Variants in CFAP54 observed in about 807,000 individuals in gnomAD.
CFAP54 encodes cilia- and flagella-associated protein 54.
A neutral mutation model predicts 370.4 loss-of-function variants in CFAP54; 290 were observed. The observed-to-expected ratio is 0.78, with a 90% CI of 0.71 to 0.86. CFAP54 has a LOEUF of 0.86. Ranked by LOEUF, CFAP54 falls within the 40% of genes least tolerant of loss-of-function variation. The probability of loss-of-function intolerance (pLI) is 0.00; values close to 1 mark genes in which losing one functional copy is unlikely to be tolerated. For missense variants in CFAP54, 3,399 were observed against 3,528.7 expected, an observed-to-expected ratio of 0.96 and a Z score of 0.93; for synonymous variants, 1,206 against 1,236.5, an observed-to-expected ratio of 0.98 and a Z score of 0.52.
At chr12:96,764,389 G>C in intron 59 of CFAP54, 140 bp downstream of exon 59, 1 of 562,620 alleles carries the variant, frequency 1.8e-6, no homozygotes. Flanking sequence ...TTGGGAGGCT[G>C]AGGCAGGAGG....
intron 14 of CFAP54, among the ~76,000 whole-genome samples, chr12:96,543,386 C>T (rs1462866670): frequency 2.0e-5 from 3 of 152,170 alleles, no homozygotes; most frequent in Non-Finnish European, 4.4e-5. Flanking sequence ...CATGAGGGAC[C>T]TCTAGGATCC....
chr12:96,660,439 T>C (rs1205014118), intron 38 of CFAP54, among the ~76,000 whole-genome samples: 1 of 152,166 alleles, frequency 6.6e-6, no homozygotes, highest in East Asian at 1.9e-4. Context: ...CTAAGTACCA[T>C]CTCTATCATG....
chr12:96,857,602 C>T (rs998489150), intron 66 of CFAP54, among the ~76,000 whole-genome samples: 2 of 152,148 alleles, frequency 1.3e-5, no homozygotes, highest in Non-Finnish European at 2.9e-5. Context: ...ACCCAAATCT[C>T]ATCTCAAATT....
At chr12:96,615,861 CAAG>C (rs1277767803) in intron 26 of CFAP54, among the ~76,000 whole-genome samples, 1 of 152,170 alleles carries the variant, frequency 6.6e-6, no homozygotes, top group Non-Finnish European at 1.5e-5. Context: ...AGTCAGGAAA[CAAG>C]AGGTGCTGGA....
intron 14 of CFAP54, among the ~76,000 whole-genome samples, chr12:96,543,863 T>A (rs1413718564): frequency 6.6e-6 from 1 of 152,166 alleles, no homozygotes; most frequent in African/African-American, 2.4e-5. Context: ...TCCCTGTTGC[T>A]TTTCTCTCAA....
At chr12:96,631,464 C>T (rs1956606832) in intron 32 of CFAP54, among the ~76,000 whole-genome samples, 1 of 144,766 alleles carries the variant, frequency 6.9e-6, no homozygotes. Context: ...AATTTTTTTC[C>T]AATTTGCTTT....
intron 50 of CFAP54, among the ~76,000 whole-genome samples, chr12:96,731,071 A>G (rs1028584727): frequency 1.3e-5 from 2 of 152,182 alleles, no homozygotes; most frequent in Admixed American, 1.3e-4. Flanking sequence ...CATTTGCATT[A>G]TTCACTGTGT....
At chr12:96,723,512 G>A (rs185518764) in intron 50 of CFAP54, among the ~76,000 whole-genome samples, 2 of 152,220 alleles carry the variant, frequency 1.3e-5, no homozygotes, top group East Asian at 3.9e-4. Context: ...AGTAAGGTAA[G>A]GATAGAGAGT....
intron 50 of CFAP54, among the ~76,000 whole-genome samples, chr12:96,735,477 T>C (rs1317534207): frequency 1.3e-5 from 2 of 152,188 alleles, no homozygotes; most frequent in Non-Finnish European, 2.9e-5. Flanking sequence ...AAGAGATCCA[T>C]CTCATAGTTA....
At chr12:96,766,089 G>C (rs1481384823) in intron 60 of CFAP54, among the ~76,000 whole-genome samples, 1 of 152,018 alleles carries the variant, frequency 6.6e-6, no homozygotes, top group East Asian at 1.9e-4. Context: ...TTCTCCTTTG[G>C]GAGTGATCTT....
intron 67 of CFAP54, among the ~76,000 whole-genome samples, chr12:96,870,318 A>G (rs190577906): frequency 6.6e-6 from 1 of 152,306 alleles, no homozygotes; most frequent in African/African-American, 2.4e-5. Context: ...AAAGTTACTT[A>G]GTTGAATTCT....
intron 60 of CFAP54, among the ~76,000 whole-genome samples, chr12:96,769,247 C>T (rs1958432149): frequency 6.6e-6 from 1 of 152,274 alleles, no homozygotes; most frequent in African/African-American, 2.4e-5. Flanking sequence ...TTATTAAATT[C>T]TGTATTTAAA....
intron 63 of CFAP54, among the ~76,000 whole-genome samples, chr12:96,800,132 A>G (rs540411420): frequency 6.6e-6 from 1 of 152,212 alleles, no homozygotes; most frequent in Non-Finnish European, 1.5e-5. Flanking sequence ...GGTCACAGAA[A>G]CACCATATCC....
At chr12:96,617,725 C>T (rs181962545) in intron 26 of CFAP54, among the ~76,000 whole-genome samples, 23 of 152,304 alleles carry the variant, frequency 1.5e-4, no homozygotes, top group African/African-American at 5.5e-4. Context: ...GGCGTGGTGG[C>T]TCACGCCTGT....
In CFAP54 at chr12:96,720,505, T is replaced by C. The variant is rs1957738025; in HGVS notation, c.6905T>C (p.Val2302Ala). Residue 2302 changes from valine (V) to alanine (A), a missense_variant, in exon 50 of 68, where the codon GTG (valine) becomes GCG (alanine). Physicochemically the swap from Val to Ala is moderately conservative, Grantham distance 64. Around this residue, in one of 3 missense-constraint regions of CFAP54, gnomAD observed 2,796 missense variants for 2,869.7 expected, o/e 0.97. Transcript: ENST00000524981. The part of the protein sequence containing the change: ...SQCSAGELEI[V>A]VEARLQLAAV... Reference sequence around the variant, plus strand: ...TGCTCCGCTGGCGAGCTGGAGATTGTGGTGGAGGCCCGGCTTCAGCTGGCT... The same window carrying C: ...TGCTCCGCTGGCGAGCTGGAGATTGCGGTGGAGGCCCGGCTTCAGCTGGCT... 1.3e-6 allele frequency: 2 copies of C among 1,598,966 alleles called. No homozygotes were observed. Among genetic ancestry groups the C allele is most frequent in the African/African-American group, 2.7e-5 (2 of 74,534 alleles).
intron 32 of CFAP54, among the ~76,000 whole-genome samples, chr12:96,641,097 G>T (rs1336240861): frequency 6.6e-6 from 1 of 152,162 alleles, no homozygotes; most frequent in Non-Finnish European, 1.5e-5. Flanking sequence ...AAACTAAAGA[G>T]CTTCTGCACA....
At chr12:96,549,206 C>T (rs1955670260) in intron 15 of CFAP54, among the ~76,000 whole-genome samples, 2 of 152,016 alleles carry the variant, frequency 1.3e-5, no homozygotes, top group South Asian at 2.1e-4. Context: ...GGCTTATGGG[C>T]TAGCACTTAT....
intron 8 of CFAP54, among the ~76,000 whole-genome samples, chr12:96,523,786 T>A (rs1360536196): frequency 1.3e-5 from 2 of 152,160 alleles, no homozygotes; most frequent in African/African-American, 2.4e-5. Flanking sequence ...TTATTAGGAC[T>A]TAACAGTTAT....
At chr12:96,727,249 T>C in intron 50 of CFAP54, among the ~76,000 whole-genome samples, 1 of 152,142 alleles carries the variant, frequency 6.6e-6, no homozygotes, top group Non-Finnish European at 1.5e-5. Flanking sequence ...TTCTGTCTCG[T>C]TGATCTGTCT....
Sources: allele counts gnomAD v4.1 joint callset (sites outside exome capture counted in the v4.1 genomes callset), GRCh38; gene constraint gnomAD v4.1.1; regional missense constraint gnomAD v4.1.1; transcripts MANE v1.5; gene names NCBI Gene and HGNC (gene_info 2026-07-23, HGNC 2026-07-21).